The following PCDHA1 variants were observed in gnomAD, a reference collection of about 807,000 sequenced individuals.
PCDHA1 encodes protocadherin alpha-1.
PCDHA1 carries 42 observed loss-of-function variants against 61.3 expected under a neutral mutation model. The observed-to-expected ratio is 0.69, with a 90% confidence interval of 0.54 to 0.89. The LOEUF is 0.89. Ranked by LOEUF, PCDHA1 falls within the 40% of genes least tolerant of loss-of-function variation. The pLI, the probability that PCDHA1 is intolerant of heterozygous loss-of-function variation, is 0.00. For missense variants in PCDHA1, 1,256 were observed against 1,235.3 expected (o/e 1.02, Z -0.25); for synonymous variants, 610 against 553.8 (o/e 1.10, Z -1.43).
At chr5:140,948,823 A>G (rs1554218722) in intron 1 of PCDHA1, among the ~76,000 whole-genome samples, 2 of 151,238 alleles carry the variant, frequency 1.3e-5, no homozygotes, top group African/African-American at 4.8e-5. Flanking sequence ...TATTTCATTA[A>G]TTTCTGCTTT....
intron 3 of PCDHA1, among the ~76,000 whole-genome samples, chr5:140,990,141 C>A (rs2097376222): frequency 6.6e-6 from 1 of 151,818 alleles, no homozygotes; most frequent in African/African-American, 2.4e-5. Flanking sequence ...ACTCAAGAGG[C>A]ATAATAATAG....
At chr5:140,909,582 T>G (rs1407869706) in intron 1 of PCDHA1, among the ~76,000 whole-genome samples, 1 of 152,298 alleles carries the variant, frequency 6.6e-6, no homozygotes, top group Non-Finnish European at 1.5e-5. Flanking sequence ...TGTGATATGT[T>G]TTTTGATTTA....
Position 140,836,428 on chromosome 5 carries a change from C to T in PCDHA1, c.2394+47744C>T, listed in dbSNP as rs2150260814. ...CAGGCACCAAAGGCGTCGTCGCGGG[C>T]ATCGTTGGGCATTGCAGGCCCAGAG... On this transcript the variant is annotated intron_variant, in intron 1 of 3. Transcript: ENST00000504120. 1.5e-5 allele frequency: 24 copies of T among 1,613,854 alleles called. No individual in the cohort carries two copies. Among genetic ancestry groups the T allele is most frequent in the Non-Finnish European group, 1.9e-5 (22 of 1,179,866 alleles).
At chr5:140,958,953 T>A (rs1489065015) in intron 1 of PCDHA1, among the ~76,000 whole-genome samples, 2 of 144,196 alleles carry the variant, frequency 1.4e-5, no homozygotes, top group Non-Finnish European at 3.1e-5. Flanking sequence ...ATTATATTAT[T>A]ATAATTGTTC....
At chr5:140,963,531 TTTAC>T (rs1391697303) in intron 1 of PCDHA1, among the ~76,000 whole-genome samples, 2 of 152,218 alleles carry the variant, frequency 1.3e-5, no homozygotes, top group African/African-American at 4.8e-5. Flanking sequence ...AGAAGTCCCA[TTTAC>T]TTCATGATAT....
At chr5:140,965,555 G>A (rs1373065218) in intron 1 of PCDHA1, among the ~76,000 whole-genome samples, 4 of 151,798 alleles carry the variant, frequency 2.6e-5, no homozygotes, top group Non-Finnish European at 5.9e-5. Flanking sequence ...CCTGGCTTAG[G>A]AGATCAACAG....
intron 1 of PCDHA1, among the ~76,000 whole-genome samples, chr5:140,959,969 C>T (rs1203367528): frequency 6.6e-6 from 1 of 152,104 alleles, no homozygotes; most frequent in African/African-American, 2.4e-5. Context: ...GTAGATGTTA[C>T]TGAAAGAAGA....
At chr5:140,926,789 G>C in intron 1 of PCDHA1, 1 of 1,432,318 alleles carries the variant, frequency 7.0e-7, no homozygotes, top group Non-Finnish European at 9.1e-7. Context: ...CGGCCGGCAG[G>C]AGCGTGCTCT....
intron 1 of PCDHA1, chr5:140,829,932 C>T (rs2150178054): frequency 4.3e-6 from 7 of 1,613,980 alleles, no homozygotes; most frequent in East Asian, 4.5e-5. Context: ...CTGCAGCCCC[C>T]GGCAAGCAGC....
At chr5:140,925,989 G>A (rs2082853255) in intron 1 of PCDHA1, among the ~76,000 whole-genome samples, 1 of 152,212 alleles carries the variant, frequency 6.6e-6, no homozygotes, top group East Asian at 1.9e-4. Context: ...GAGCTCGCTG[G>A]CTCCGCTGCC....
At chr5:140,831,854 T>C (rs1358095738) in intron 1 of PCDHA1, among the ~76,000 whole-genome samples, 1 of 152,174 alleles carries the variant, frequency 6.6e-6, no homozygotes, top group Non-Finnish European at 1.5e-5. Context: ...GTCATAAAGC[T>C]TTAGTAAGTT....
At chr5:140,836,232 G>A in intron 1 of PCDHA1, 5 of 1,613,788 alleles carry the variant, frequency 3.1e-6, no homozygotes, top group East Asian at 2.2e-5. Context: ...GGTGGCGGCC[G>A]GTGCGAGCAT....
chr5:140,899,606 A>G (rs1330407383), intron 1 of PCDHA1, among the ~76,000 whole-genome samples: 1 of 152,168 alleles, frequency 6.6e-6, no homozygotes, highest in Non-Finnish European at 1.5e-5. Flanking sequence ...GGACTTTTGC[A>G]TCAATGTTCA....
intron 1 of PCDHA1, among the ~76,000 whole-genome samples, chr5:140,911,234 C>A (rs1554194655): frequency 6.6e-6 from 1 of 151,890 alleles, no homozygotes; most frequent in South Asian, 2.1e-4. Context: ...TTTCTTCTGG[C>A]AAAAAAAGTT....
At chr5:141,000,347 C>T (rs1587871994) in intron 3 of PCDHA1, among the ~76,000 whole-genome samples, 1 of 114,796 alleles carries the variant, frequency 8.7e-6, no homozygotes, top group Non-Finnish European at 1.8e-5. Flanking sequence ...CTATCTCTCT[C>T]TCTGTCTCTC....
intron 1 of PCDHA1, chr5:140,816,428 T>C (rs1765903029): frequency 6.6e-6 from 1 of 152,222 alleles, no homozygotes; most frequent in Non-Finnish European, 1.5e-5. Flanking sequence ...ACTGAACATC[T>C]TTATGACAAT....
chr5:140,875,452 C>CA, intron 1 of PCDHA1: 1 of 1,592,570 alleles, frequency 6.3e-7, no homozygotes, highest in Non-Finnish European at 8.6e-7. Context: ...TGTCCCAACT[C>CA]AGAGGCCCTC....
At chr5:140,937,323 C>T (rs1350536354) in intron 1 of PCDHA1, among the ~76,000 whole-genome samples, 3 of 152,120 alleles carry the variant, frequency 2.0e-5, no homozygotes, top group African/African-American at 7.2e-5. Flanking sequence ...AGGCGTGAGC[C>T]ACCGCGCCCG....
intron 1 of PCDHA1, chr5:140,802,169 T>G (rs1554121915): frequency 6.2e-7 from 1 of 1,614,182 alleles, no homozygotes; most frequent in Non-Finnish European, 8.5e-7. Context: ...AAGCCACGGA[T>G]AAAGGAAATC....
Sources: allele counts gnomAD v4.1 joint callset (sites outside exome capture counted in the v4.1 genomes callset), GRCh38; gene constraint gnomAD v4.1.1; transcripts MANE v1.5; gene names NCBI Gene and HGNC (gene_info 2026-07-23, HGNC 2026-07-21).